The following UBE2G2 variants were observed in gnomAD, a reference collection of about 807,000 sequenced individuals.
The protein encoded by UBE2G2 is ubiquitin conjugating enzyme E2 G2.
Under a neutral mutation model 23.0 loss-of-function variants are expected in UBE2G2, and 10 were observed. That is an observed-to-expected ratio of 0.43 (90% CI 0.27 to 0.74). UBE2G2 has a LOEUF of 0.74. Ranked by LOEUF, UBE2G2 falls within the 30% of genes least tolerant of loss-of-function variation. The pLI is 0.19. For synonymous variants in UBE2G2, 86 were observed against 81.3 expected, an observed-to-expected ratio of 1.06 and a Z score of -0.31; for missense variants, 150 against 218.3, an observed-to-expected ratio of 0.69 and a Z score of 1.97.
intron 3 of UBE2G2, among the ~76,000 whole-genome samples, chr21:44,786,831 CCTGTTATCCCAGCA>C: frequency 6.6e-6 from 1 of 152,336 alleles, no homozygotes; most frequent in Non-Finnish European, 1.5e-5. Flanking sequence ...GTGGCTCACA[CCTGTTATCCCAGCA>C]CTCTGGGAGG....
chr21:44,801,406 G>C (rs1256059628), intron 1 of UBE2G2: 1 of 1,207,958 alleles, frequency 8.3e-7, no homozygotes, highest in African/African-American at 1.6e-5. Context: ...AGGCTGCCAA[G>C]AAAAGAAAAA....
At chr21:44,786,477 G>A (rs2082997693) in intron 3 of UBE2G2, among the ~76,000 whole-genome samples, 1 of 152,188 alleles carries the variant, frequency 6.6e-6, no homozygotes, top group Admixed American at 6.5e-5. Context: ...CAGGCGTGCT[G>A]TACCATCTGA....
At chr21:44,793,523 C>A (rs1441348230) in intron 1 of UBE2G2, among the ~76,000 whole-genome samples, 6 of 152,038 alleles carry the variant, frequency 3.9e-5, no homozygotes, top group African/African-American at 1.5e-4. Context: ...TAAAGAAGTG[C>A]AGCAAATGAG....
rs782567039 is a variant in UBE2G2 at position 44,771,356 on chromosome 21, G to A, written c.*21C>T. 6.2e-6 allele frequency: 10 copies of A among 1,605,584 alleles called. No homozygotes were observed. In the East Asian group the frequency reaches 1.3e-4, roughly 21 times the overall value. On this transcript the variant is annotated 3_prime_UTR_variant, in exon 6 of 6. Transcript: ENST00000345496. This position sits in a 1 kb window ranked among gnomAD's most constrained non-coding sequence, Gnocchi z 4.6. ...TGCTGAGCTGCTTGGCGGTGTGTGC[G>A]CGCCTGTGCGAGGCCAGGTCTCACA...
intron 4 of UBE2G2, 131 bp from the exon 5 acceptor site, chr21:44,773,818 C>G (rs1432641071): frequency 7.7e-7 from 1 of 1,293,562 alleles, no homozygotes; most frequent in East Asian, 2.5e-5. Context: ...ACAGCTGGGG[C>G]ATAGCCTGGG....
At chr21:44,797,037 C>T (rs1453554862) in intron 1 of UBE2G2, among the ~76,000 whole-genome samples, 1 of 152,208 alleles carries the variant, frequency 6.6e-6, no homozygotes, top group Non-Finnish European at 1.5e-5. Flanking sequence ...CTGCTGATTA[C>T]TAACCTGACT....
chr21:44,777,764 C>T (rs1287538984), intron 3 of UBE2G2, among the ~76,000 whole-genome samples: 3 of 152,042 alleles, frequency 2.0e-5, no homozygotes, highest in Non-Finnish European at 2.9e-5. Flanking sequence ...GCCAAGATCT[C>T]GCCACCGCAC....
chr21:44,801,814 G>A lies in UBE2G2; in HGVS notation c.-66C>T, dbSNP rs1209518417. The A allele has an allele frequency of 3.8e-5, 57 of 1,481,030 alleles. No individual in the cohort carries two copies. The highest frequency in any genetic ancestry group is 4.6e-5 in the Non-Finnish European group (51 of 1,120,030). The allele number at this position is 1,481,030 out of a possible 1,614,324, so 91.7% of individuals were successfully genotyped here. On this transcript the variant is annotated 5_prime_UTR_variant, in exon 1 of 6. Transcript: ENST00000345496. ...CGCGCGTGCCTCCTGCCCCGACACC[G>A]GGGACTGCTTCCGGGCCACCGTCGC...
rs1275163550 is a variant in UBE2G2, at chr21:44,771,321, C to T, written c.*56G>A. 13 of 1,513,394 alleles carry T rather than the reference C, an allele frequency of 8.6e-6. No homozygotes were observed. Among genetic ancestry groups the T allele is most frequent in the East Asian group, 6.8e-5 (3 of 44,302 alleles). 93.7% of individuals were successfully genotyped at this position (1,513,394 alleles called of 1,614,324 possible). A position where few individuals can be genotyped will look rare whatever the true frequency, so the allele number is the denominator to read the frequency against. ...AGAGCATCACTGTCACTAAGTGTGC[C>T]GGGGGAGAATGCTGAGCTGCTTGGC... is the stretch of plus-strand genomic sequence containing the variant. On this transcript the variant is annotated 3_prime_UTR_variant, in exon 6 of 6. Coordinates refer to ENST00000345496, the MANE Select transcript of UBE2G2 (RefSeq NM_003343.6). This position sits in a 1 kb window ranked among gnomAD's most constrained non-coding sequence, Gnocchi z 4.6.
chr21:44,776,123 TG>T (rs1481292243), intron 4 of UBE2G2, among the ~76,000 whole-genome samples: 1 of 151,258 alleles, frequency 6.6e-6, no homozygotes, highest in South Asian at 2.1e-4. Flanking sequence ...TGGCCGGGGG[TG>T]GGGGGGTAGT....
rs111316612 is a variant in UBE2G2, at chr21:44,772,253, C to T, written c.386-764G>A. Among the ~76,000 whole-genome samples the T allele has an allele frequency of 3.4e-3, 523 of 152,212 alleles. 2 individuals are homozygous for T. Among genetic ancestry groups the T allele is most frequent in the African/African-American group, 0.012 (504 of 41,536 alleles). The stretch of plus-strand genomic sequence containing the variant: ...GACAGCCTGAGCCACTGCCTCCCTC[C>T]CAATCTCCAATCCCCTGGCCTGGCT... On this transcript the variant is annotated intron_variant, in intron 5 of 5. Transcript: ENST00000345496. This position sits in a 1 kb window ranked among gnomAD's most constrained non-coding sequence, Gnocchi z 5.4.
At chr21:44,801,308 T>C (rs2146412742) in intron 1 of UBE2G2, 6 of 1,033,536 alleles carry the variant, frequency 5.8e-6, no homozygotes, top group East Asian at 8.2e-5. Context: ...CCAACGAGCC[T>C]TTCCCCTTTT....
rs550457959 is a variant in UBE2G2 at position 44,791,169 on chromosome 21, T to G, written c.44-3074A>C. Among the ~76,000 whole-genome samples the G allele has an allele frequency of 2.0e-5, 3 of 152,244 alleles. No individual in the cohort carries two copies. The South Asian group carries it at 6.2e-4, about 32-fold the overall frequency. On this transcript the variant is annotated intron_variant, in intron 1 of 5. Coordinates refer to ENST00000345496, the MANE Select transcript of UBE2G2 (RefSeq NM_003343.6). ...CTCGTGTTTAAAAGAAAGCAGGGAATAAAAGTTTGAAAACTTCGCAGCATG... is the reference window on the plus strand; with the variant it reads ...CTCGTGTTTAAAAGAAAGCAGGGAAGAAAAGTTTGAAAACTTCGCAGCATG...
At chr21:44,777,011 G>A (rs1174684749) in intron 4 of UBE2G2, 1 of 327,302 alleles carries the variant, frequency 3.1e-6, no homozygotes, top group Non-Finnish European at 5.6e-6. Context: ...AACCCCTTCT[G>A]AGCACACACC....
intron 3 of UBE2G2, chr21:44,785,892 A>G (rs1279749642): frequency 2.0e-5 from 3 of 152,252 alleles, no homozygotes; most frequent in African/African-American, 7.2e-5. Flanking sequence ...TGCTCTACCT[A>G]AAAATAGTTC....
At position 44,771,346 on chromosome 21, in the gene UBE2G2, C is replaced by T. The variant is rs200013861; in HGVS notation, c.*31G>A. 1.5e-5 allele frequency: 24 copies of T among 1,594,104 alleles called. No individual in the cohort carries two copies. Among genetic ancestry groups the T allele is most frequent in the South Asian group, 2.2e-5 (2 of 90,740 alleles). Reference sequence around the variant, plus strand: ...CGGGGGAGAATGCTGAGCTGCTTGGCGGTGTGTGCGCGCCTGTGCGAGGCC... The same window carrying T: ...CGGGGGAGAATGCTGAGCTGCTTGGTGGTGTGTGCGCGCCTGTGCGAGGCC... On this transcript the variant is annotated 3_prime_UTR_variant, in exon 6 of 6. Coordinates refer to ENST00000345496, the MANE Select transcript of UBE2G2 (RefSeq NM_003343.6). The surrounding 1 kb of genome is among the most constrained non-coding windows in gnomAD (Gnocchi z 4.6).
chr21:44,790,634 C>G (rs1244664930), intron 1 of UBE2G2, among the ~76,000 whole-genome samples: 1 of 152,176 alleles, frequency 6.6e-6, no homozygotes, highest in East Asian at 1.9e-4. Context: ...TTCTTGCCAC[C>G]TTGTGAAGAA....
chr21:44,792,016 G>A (rs782108249), intron 1 of UBE2G2, among the ~76,000 whole-genome samples: 4 of 152,216 alleles, frequency 2.6e-5, no homozygotes, highest in Admixed American at 6.5e-5. Flanking sequence ...GCCGGATTTC[G>A]GACTTGCATG....
intron 4 of UBE2G2, among the ~76,000 whole-genome samples, chr21:44,775,967 C>T (rs1555960535): frequency 6.6e-6 from 1 of 152,154 alleles, no homozygotes; most frequent in Non-Finnish European, 1.5e-5. Context: ...ACTGAAGCAG[C>T]TTTGAGATAA....
Sources: allele counts gnomAD v4.1 joint callset (sites outside exome capture counted in the v4.1 genomes callset), GRCh38; gene constraint gnomAD v4.1.1; non-coding constraint Gnocchi (gnomAD v3.1); transcripts MANE v1.5; gene names NCBI Gene and HGNC (gene_info 2026-07-23, HGNC 2026-07-21).